Variants in SLC38A6 observed in about 807,000 individuals in gnomAD.
The protein encoded by SLC38A6 is solute carrier family 38 member 6.
In SLC38A6, 73 loss-of-function variants were observed where a neutral mutation model predicts 65.0. That is an observed-to-expected ratio of 1.12 (90% CI 0.93 to 1.37). The LOEUF is 1.37. Ranked by LOEUF, SLC38A6 falls within the 40% of genes most tolerant of loss-of-function variation. The pLI is 0.00. For synonymous variants in SLC38A6, 183 were observed against 178.8 expected (o/e 1.02, Z -0.19); for missense variants, 561 against 531.1 (o/e 1.06, Z -0.55).
At chr14:60,990,915 C>T (rs2037835014) in intron 3 of SLC38A6, among the ~76,000 whole-genome samples, 1 of 152,150 alleles carries the variant, frequency 6.6e-6, no homozygotes, top group African/African-American at 2.4e-5. Context: ...AACACCAGCT[C>T]AAGCAATCCT....
intron 5 of SLC38A6, among the ~76,000 whole-genome samples, chr14:61,029,060 T>C (rs1391134854): frequency 6.6e-6 from 1 of 152,140 alleles, no homozygotes; most frequent in Non-Finnish European, 1.5e-5. Context: ...ATTTTTGTTC[T>C]TAGCTTTTGT....
At chr14:61,049,724 C>T (rs2042390748) in intron 12 of SLC38A6, among the ~76,000 whole-genome samples, 2 of 152,062 alleles carry the variant, frequency 1.3e-5, no homozygotes, top group African/African-American at 4.8e-5. Flanking sequence ...CTTTCTGAAA[C>T]ACTCTCAAAT....
chr14:61,052,846 A>C (rs2042581431), downstream of SLC38A6: 1 of 152,708 alleles, frequency 6.5e-6, no homozygotes, highest in Admixed American at 6.5e-5. Flanking sequence ...AGTTTACCTT[A>C]GGTTTCATTC....
intron 3 of SLC38A6, among the ~76,000 whole-genome samples, chr14:61,010,068 G>A (rs956887202): frequency 6.6e-6 from 1 of 152,130 alleles, no homozygotes; most frequent in African/African-American, 2.4e-5. Flanking sequence ...TTTAATGATT[G>A]CCATTCTAAC....
chr14:60,995,743 C>G (rs80171803), intron 3 of SLC38A6, among the ~76,000 whole-genome samples: 1 of 152,072 alleles, frequency 6.6e-6, no homozygotes, highest in African/African-American at 2.4e-5. Flanking sequence ...TCATGTTGTA[C>G]ACCTTAAATG....
intron 3 of SLC38A6, among the ~76,000 whole-genome samples, chr14:61,009,684 A>G (rs546402453): frequency 7.2e-5 from 11 of 152,186 alleles, no homozygotes; most frequent in Admixed American, 5.2e-4. Flanking sequence ...TTCCAATTTC[A>G]TCCATGTCCC....
intron 15 of SLC38A6, among the ~76,000 whole-genome samples, chr14:61,072,811 G>A (rs1261558493): frequency 1.3e-5 from 2 of 152,034 alleles, no homozygotes; most frequent in South Asian, 2.1e-4. Context: ...CCAAATCTTG[G>A]CTATTATGAA....
At chr14:60,990,287 T>C (rs1476452612) in intron 3 of SLC38A6, among the ~76,000 whole-genome samples, 1 of 152,196 alleles carries the variant, frequency 6.6e-6, no homozygotes, top group East Asian at 1.9e-4. Flanking sequence ...CACCTTGTCC[T>C]CCCAAAGTGC....
intron 8 of SLC38A6, among the ~76,000 whole-genome samples, chr14:61,041,213 A>T (rs2041790951): frequency 6.6e-6 from 1 of 152,090 alleles, no homozygotes; most frequent in Non-Finnish European, 1.5e-5. Flanking sequence ...CTAAGCAAGG[A>T]CTTCCTGTTA....
intron 15 of SLC38A6, among the ~76,000 whole-genome samples, chr14:61,074,796 T>C (rs1223781155): frequency 2.0e-5 from 3 of 150,458 alleles, no homozygotes; most frequent in African/African-American, 7.3e-5. Context: ...AGCTGCTTGA[T>C]GCAGCTGTCA....
At chr14:61,063,469 A>T (rs754482790) in intron 15 of SLC38A6, among the ~76,000 whole-genome samples, 8 of 152,208 alleles carry the variant, frequency 5.3e-5, no homozygotes, top group Admixed American at 3.3e-4. Flanking sequence ...TCTCATTGAC[A>T]TGGCTTATTT....
At chr14:60,981,658 G>C (rs2037034331) in intron 1 of SLC38A6, 1 of 1,428,218 alleles carries the variant, frequency 7.0e-7, no homozygotes, top group Non-Finnish European at 9.3e-7. Flanking sequence ...ATGATGGGAT[G>C]AGCGGCCCTA....
At chr14:61,057,474 T>A (rs2042741863), downstream of SLC38A6, among the ~76,000 whole-genome samples, 1 of 15,766 alleles carries the variant, frequency 6.3e-5, no homozygotes. Context: ...TGAAGCCCAC[T>A]TGATCATGGT....
At chr14:61,002,311 G>A (rs2038763779) in intron 3 of SLC38A6, 3 of 151,930 alleles carry the variant, frequency 2.0e-5, no homozygotes, top group African/African-American at 7.3e-5. Flanking sequence ...TTCAAAAAAT[G>A]AATGACCTGC....
At chr14:61,067,838 T>C (rs1229547246) in intron 15 of SLC38A6, among the ~76,000 whole-genome samples, 1 of 152,174 alleles carries the variant, frequency 6.6e-6, no homozygotes, top group Non-Finnish European at 1.5e-5. Flanking sequence ...GATCTTTTTT[T>C]TGAATCTTGA....
chr14:60,995,788 A>G (rs1033267752), intron 3 of SLC38A6, among the ~76,000 whole-genome samples: 7 of 152,230 alleles, frequency 4.6e-5, no homozygotes, highest in Non-Finnish European at 1.0e-4. Context: ...AAAAGGCTAC[A>G]TACTGTATGA....
At chr14:61,065,999 T>G (rs1025077464) in intron 15 of SLC38A6, among the ~76,000 whole-genome samples, 1 of 152,304 alleles carries the variant, frequency 6.6e-6, no homozygotes, top group South Asian at 2.1e-4. Context: ...TTTTTCTTTT[T>G]GGCATGTTAA....
Position 61,078,150 on chromosome 14 carries a change from C to T in SLC38A6, c.1291-660C>T, listed in dbSNP as rs1958275. On this transcript the variant is annotated intron_variant, in intron 15 of 16. Transcript: ENST00000354886. ...CCACATGCACATGAGGCCATCTGTG[C>T]GTGCTTGTTGAAAGAATGACATATC... 1.1e-3 allele frequency among the ~76,000 whole-genome samples: 167 copies of T among 152,260 alleles called. No homozygotes were observed. In the East Asian group the frequency reaches 0.023, roughly 21 times the overall value.
At chr14:61,048,771 G>A (rs898188845) in intron 12 of SLC38A6, among the ~76,000 whole-genome samples, 1 of 152,132 alleles carries the variant, frequency 6.6e-6, no homozygotes, top group East Asian at 1.9e-4. Context: ...AGAGAAAAGG[G>A]TTCCTCTGGT....
Sources: gnomAD v4.1 joint callset for allele counts (sites outside exome capture counted in the v4.1 genomes callset) on GRCh38, gnomAD v4.1.1 for gene constraint, MANE v1.5 for transcripts, NCBI Gene and HGNC (gene_info 2026-07-23, HGNC 2026-07-21) for gene names.